GPC5: variants seen among roughly 807,000 people sequenced by gnomAD.
The protein encoded by GPC5 is glypican-5.
A neutral mutation model predicts 53.9 loss-of-function variants in GPC5; 47 were observed. The ratio of observed to expected loss-of-function variants is 0.87; its 90% CI spans 0.69 to 1.11. GPC5 has a LOEUF of 1.11. Among genes scored for constraint, GPC5 ranks in the 50% most tolerant of loss-of-function variants. The pLI is 0.00. For synonymous variants in GPC5, 286 were observed against 263.3 expected (o/e 1.09, Z -0.84); for missense variants, 748 against 713.1 (o/e 1.05, Z -0.56).
At chr13:91,461,783 TA>T (rs1881942853) in intron 2 of GPC5, among the ~76,000 whole-genome samples, 1 of 152,054 alleles carries the variant, frequency 6.6e-6, no homozygotes, top group African/African-American at 2.4e-5. Context: ...TGTCACATTA[TA>T]AGAAGTGCTG....
At chr13:92,075,297 A>G (rs2041243989) in intron 6 of GPC5, among the ~76,000 whole-genome samples, 1 of 152,182 alleles carries the variant, frequency 6.6e-6, no homozygotes, top group Admixed American at 6.5e-5. Context: ...CAAAGACTTC[A>G]CTATTTTCAA....
rs1594159787 is a variant in GPC5, at chr13:91,491,752, C to T, written c.325+42830C>T. On this transcript the variant is annotated intron_variant, in intron 2 of 7. Coordinates refer to ENST00000377067, the MANE Select transcript of GPC5 (RefSeq NM_004466.6). ...TCCCCAGTCTCTGCCTCTGTCTTCA[C>T]ATCTTCTTTGTGTGGGTGTCTTTGC... Among the ~76,000 whole-genome samples the T allele has an allele frequency of 3.9e-5, 6 of 152,258 alleles. No homozygotes were observed. The South Asian group carries it at 1.0e-3, about 26-fold the overall frequency.
At chr13:91,678,481 G>T (rs2035433572) in intron 2 of GPC5, among the ~76,000 whole-genome samples, 1 of 152,064 alleles carries the variant, frequency 6.6e-6, no homozygotes, top group East Asian at 1.9e-4. Flanking sequence ...TGTACTGTAG[G>T]CAGATATCCC....
chr13:91,572,776 CA>C (rs779207240), intron 2 of GPC5, among the ~76,000 whole-genome samples: 6 of 151,854 alleles, frequency 4.0e-5, no homozygotes, highest in Admixed American at 3.9e-4. Flanking sequence ...CAGTCCTTCC[CA>C]AAAAAAGATA....
intron 5 of GPC5, among the ~76,000 whole-genome samples, chr13:91,885,541 C>T (rs567032891): frequency 1.3e-5 from 2 of 152,298 alleles, no homozygotes; most frequent in South Asian, 4.1e-4. Flanking sequence ...TCCCAATACA[C>T]AAACCATTCT....
intron 7 of GPC5, among the ~76,000 whole-genome samples, chr13:92,587,489 C>A (rs536469377): frequency 6.6e-6 from 1 of 150,440 alleles, no homozygotes; most frequent in African/African-American, 2.4e-5. Flanking sequence ...TTATACCACC[C>A]CATTGTCTAA....
chr13:92,766,740 G>A (rs1368737051), intron 7 of GPC5, among the ~76,000 whole-genome samples: 2 of 152,190 alleles, frequency 1.3e-5, no homozygotes, highest in Non-Finnish European at 2.9e-5. Context: ...GAGAGAGAGA[G>A]AGCACAAATT....
chr13:92,579,596 T>C (rs1883310627), intron 7 of GPC5, among the ~76,000 whole-genome samples: 1 of 152,024 alleles, frequency 6.6e-6, no homozygotes, highest in African/African-American at 2.4e-5. Flanking sequence ...AGTGGGAAGT[T>C]AATTTATAAA....
chr13:92,673,529 C>T (rs573148576), intron 7 of GPC5, among the ~76,000 whole-genome samples: 2 of 152,236 alleles, frequency 1.3e-5, no homozygotes, highest in Non-Finnish European at 2.9e-5. Flanking sequence ...TCCCCAACTG[C>T]TGGGATTACA....
intron 7 of GPC5, among the ~76,000 whole-genome samples, chr13:92,857,562 C>T (rs995721801): frequency 6.6e-6 from 1 of 152,014 alleles, no homozygotes; most frequent in African/African-American, 2.4e-5. Flanking sequence ...TATTTACAAC[C>T]TATGCATCTG....
At chr13:92,730,291 C>T (rs1888762793) in intron 7 of GPC5, among the ~76,000 whole-genome samples, 1 of 151,172 alleles carries the variant, frequency 6.6e-6, no homozygotes, top group African/African-American at 2.4e-5. Flanking sequence ...ATCACCATTC[C>T]CCCAGTTTCC....
chr13:91,423,069 A>G (rs80283398), intron 1 of GPC5, among the ~76,000 whole-genome samples: 5,468 of 152,324 alleles, frequency 0.036, 146 homozygotes, highest in Middle Eastern at 0.068. Flanking sequence ...AAACTGCACC[A>G]TCTTGAAAAA....
At chr13:92,070,751 C>A (rs952295620) in intron 6 of GPC5, among the ~76,000 whole-genome samples, 1 of 152,082 alleles carries the variant, frequency 6.6e-6, no homozygotes, top group Non-Finnish European at 1.5e-5. Flanking sequence ...CTGTCAAATA[C>A]TTTTTCTCTG....
intron 7 of GPC5, among the ~76,000 whole-genome samples, chr13:92,369,110 AAGATATGACAGTTAAACATC>A (rs1448167171): frequency 2.0e-5 from 3 of 152,250 alleles, no homozygotes; most frequent in East Asian, 1.9e-4. Flanking sequence ...ATTAGTAAAA[AAGATATGACAGTTAAACATC>A]AGCTGTGAAT....
At chr13:92,595,237 G>T (rs546152034) in intron 7 of GPC5, among the ~76,000 whole-genome samples, 3 of 152,154 alleles carry the variant, frequency 2.0e-5, no homozygotes, top group Non-Finnish European at 4.4e-5. Context: ...TTTAAATAGG[G>T]ATCTAAAATC....
At chr13:92,043,873 G>A (rs1254987665) in intron 6 of GPC5, among the ~76,000 whole-genome samples, 2 of 152,220 alleles carry the variant, frequency 1.3e-5, no homozygotes, top group East Asian at 1.9e-4. Context: ...GTAGCTGACA[G>A]CAGTAGTTTC....
intron 2 of GPC5, among the ~76,000 whole-genome samples, chr13:91,638,240 C>T (rs2034330847): frequency 6.6e-6 from 1 of 152,156 alleles, no homozygotes; most frequent in South Asian, 2.1e-4. Flanking sequence ...GTCACATATA[C>T]GTATAAATTA....
intron 5 of GPC5, among the ~76,000 whole-genome samples, chr13:91,757,502 A>G (rs922588289): frequency 3.9e-5 from 6 of 152,092 alleles, no homozygotes; most frequent in African/African-American, 1.2e-4. Flanking sequence ...TCATTTAATC[A>G]TGGGGATGGT....
intron 7 of GPC5, among the ~76,000 whole-genome samples, chr13:92,415,396 T>A (rs1876242145): frequency 6.6e-6 from 1 of 152,018 alleles, no homozygotes; most frequent in Admixed American, 6.5e-5. Flanking sequence ...TAGATAGGTG[T>A]GAGGTATGTT....
Sources: gnomAD v4.1 joint callset for allele counts (sites outside exome capture counted in the v4.1 genomes callset) on GRCh38, gnomAD v4.1.1 for gene constraint, MANE v1.5 for transcripts, NCBI Gene and HGNC (gene_info 2026-07-23, HGNC 2026-07-21) for gene names.